NELL2: variants seen among roughly 807,000 people sequenced by gnomAD.
The protein encoded by NELL2 is neural EGFL like 2.
Under a neutral mutation model 109.6 loss-of-function variants are expected in NELL2, and 41 were observed. That is an observed-to-expected ratio of 0.37 (90% CI 0.29 to 0.49). NELL2 has a LOEUF of 0.49. Ranked by LOEUF, NELL2 falls within the 20% of genes least tolerant of loss-of-function variation. The pLI, the probability that NELL2 is intolerant of heterozygous loss-of-function variation, is 0.98. For missense variants in NELL2, 900 were observed against 1,008.3 expected (o/e 0.89, Z 1.45); for synonymous variants, 355 against 344.7 (o/e 1.03, Z -0.33).
At chr12:44,734,882 T>C (rs1353326086) in intron 9 of NELL2, among the ~76,000 whole-genome samples, 1 of 152,058 alleles carries the variant, frequency 6.6e-6, no homozygotes, top group Non-Finnish European at 1.5e-5. Flanking sequence ...TTTTTAGAAA[T>C]TATTTTTCTT....
rs763382957 is a variant in NELL2 at position 44,875,589 on chromosome 12, T to G, written c.55+226A>C. 3.0e-5 allele frequency: 49 copies of G among 1,613,528 alleles called. 1 individual carries two copies. In the African/African-American group the frequency reaches 6.3e-4, roughly 21 times the overall value. On this transcript the variant is annotated intron_variant, in intron 1 of 19. Coordinates refer to ENST00000429094, the MANE Select transcript of NELL2 (RefSeq NM_001145108.2). ...CCTTTAAACCCTTCTCTCTGCAAAG[T>G]TCCCCCTCAGCCCTCCGACCCTGGA... is the stretch of plus-strand genomic sequence containing the variant.
At chr12:44,871,308 T>C (rs1945153386) in intron 2 of NELL2, among the ~76,000 whole-genome samples, 1 of 152,232 alleles carries the variant, frequency 6.6e-6, no homozygotes, top group Non-Finnish European at 1.5e-5. Context: ...TGTAACTATG[T>C]AATTGTTCAA....
intron 12 of NELL2, among the ~76,000 whole-genome samples, chr12:44,672,284 TG>T (rs985335844): frequency 1.3e-5 from 2 of 152,186 alleles, no homozygotes; most frequent in African/African-American, 4.8e-5. Flanking sequence ...TGAGTACTAC[TG>T]TCTGAGCTCC....
At chr12:44,691,164 T>G (rs1394999365) in intron 12 of NELL2, among the ~76,000 whole-genome samples, 1 of 152,192 alleles carries the variant, frequency 6.6e-6, no homozygotes, top group Non-Finnish European at 1.5e-5. Context: ...GTGCTTTTTA[T>G]GAACTGAAGG....
intron 2 of NELL2, among the ~76,000 whole-genome samples, chr12:44,870,905 G>C (rs1472209001): frequency 2.0e-5 from 3 of 152,096 alleles, no homozygotes; most frequent in African/African-American, 4.8e-5. Context: ...ATCTATGCAG[G>C]ACCATTATTC....
chr12:44,848,030 C>CAA lies in NELL2; in HGVS notation c.184+27193_184+27194dup, dbSNP rs567012744. ...TGGGCGACAGAGTGAAACTCTGTCT[C>CAA]AAAAAAAAAAAAAAAAAAGGCAGAA... On this transcript the variant is annotated intron_variant, in intron 2 of 19. Transcript: ENST00000429094. 4.2e-4 allele frequency among the ~76,000 whole-genome samples: 29 copies of CAA among 69,292 alleles called. 1 individual carries two copies. Among genetic ancestry groups the CAA allele is most frequent in the Non-Finnish European group, 6.0e-4 (20 of 33,342 alleles). 45.5% of individuals were successfully genotyped at this position (69,292 alleles called of 152,430 possible).
intron 15 of NELL2, among the ~76,000 whole-genome samples, chr12:44,601,013 CAAGTT>C (rs1945197726): frequency 6.6e-6 from 1 of 152,004 alleles, no homozygotes; most frequent in Admixed American, 6.6e-5. Flanking sequence ...AGGCACAATA[CAAGTT>C]AATATACAAA....
intron 13 of NELL2, among the ~76,000 whole-genome samples, chr12:44,625,589 T>TA (rs971346614): frequency 2.6e-5 from 4 of 151,502 alleles, no homozygotes; most frequent in Non-Finnish European, 5.9e-5. Flanking sequence ...TTTCATGCAT[T>TA]AAAAAAAATG....
At chr12:44,775,072 C>T (rs1243382112) in intron 8 of NELL2, among the ~76,000 whole-genome samples, 1 of 152,188 alleles carries the variant, frequency 6.6e-6, no homozygotes, top group African/African-American at 2.4e-5. Context: ...CCAGAGCTCC[C>T]AGGTAGCTGG....
At chr12:44,855,165 A>G (rs918841931) in intron 2 of NELL2, among the ~76,000 whole-genome samples, 1 of 152,188 alleles carries the variant, frequency 6.6e-6, no homozygotes, top group Admixed American at 6.5e-5. Flanking sequence ...CATTTCAACT[A>G]TTCAACAGCA....
chr12:44,629,363 C>T, intron 13 of NELL2, among the ~76,000 whole-genome samples: 1 of 152,122 alleles, frequency 6.6e-6, no homozygotes, highest in East Asian at 1.9e-4. Flanking sequence ...ATAGAATTAT[C>T]TAAAATCAGA....
chr12:44,605,232 A>C (rs780032507), intron 15 of NELL2, among the ~76,000 whole-genome samples: 5 of 152,154 alleles, frequency 3.3e-5, no homozygotes, highest in Non-Finnish European at 5.9e-5. Context: ...GATGCTAGGA[A>C]AAAGGAAAAC....
chr12:44,822,861 T>C (rs1943588966), intron 2 of NELL2, among the ~76,000 whole-genome samples: 1 of 152,164 alleles, frequency 6.6e-6, no homozygotes. Context: ...AGTTCATATG[T>C]GGCTACAGTA....
At chr12:44,888,569 A>C (rs929850955) in intron 1 of NELL2, among the ~76,000 whole-genome samples, 3 of 151,876 alleles carry the variant, frequency 2.0e-5, no homozygotes, top group African/African-American at 4.8e-5. Context: ...GTAAAACCTA[A>C]AAATAAAGAA....
chr12:44,789,745 A>T (rs1201169731), intron 3 of NELL2, among the ~76,000 whole-genome samples: 2 of 152,116 alleles, frequency 1.3e-5, no homozygotes, highest in African/African-American at 4.8e-5. Flanking sequence ...GTGAAGGGAG[A>T]AATAGTCAAG....
At chr12:44,771,887 A>C (rs1235383150) in intron 9 of NELL2, among the ~76,000 whole-genome samples, 1 of 152,244 alleles carries the variant, frequency 6.6e-6, no homozygotes. Context: ...GAAAGCATTA[A>C]AGGAAGAGCA....
At chr12:44,597,776 AG>A (rs1431886918) in intron 15 of NELL2, among the ~76,000 whole-genome samples, 1 of 152,172 alleles carries the variant, frequency 6.6e-6, no homozygotes, top group African/African-American at 2.4e-5. Context: ...ATGAGGAAAA[AG>A]GTAAGGGAGG....
chr12:44,672,779 G>T (rs1948182670), intron 12 of NELL2, among the ~76,000 whole-genome samples: 4 of 152,160 alleles, frequency 2.6e-5, no homozygotes, highest in Admixed American at 1.3e-4. Flanking sequence ...AGATGATTGT[G>T]CAAGAGTAAA....
intron 9 of NELL2, among the ~76,000 whole-genome samples, chr12:44,729,380 C>T (rs575159529): frequency 1.3e-5 from 2 of 151,758 alleles, no homozygotes; most frequent in South Asian, 4.2e-4. Context: ...GAATCAAAAG[C>T]GTGTCACACA....
Sources: allele counts gnomAD v4.1 joint callset (sites outside exome capture counted in the v4.1 genomes callset), GRCh38; gene constraint gnomAD v4.1.1; transcripts MANE v1.5; gene names NCBI Gene and HGNC (gene_info 2026-07-23, HGNC 2026-07-21).